The following OXGR1 variants were observed in gnomAD, a reference collection of about 807,000 sequenced individuals.
The protein encoded by OXGR1 is oxoglutarate receptor 1, also known as 2-oxoglutarate receptor 1.
In OXGR1, 10 loss-of-function variants were observed where a neutral mutation model predicts 10.0. That is an observed-to-expected ratio of 1.00 (90% CI 0.62 to 1.70). The LOEUF (loss-of-function observed/expected upper bound fraction) is 1.70. OXGR1 is among the 40% of genes most tolerant of loss of function. The probability of loss-of-function intolerance (pLI) is 0.00; values close to 1 mark genes in which losing one functional copy is unlikely to be tolerated. For synonymous variants in OXGR1, 191 were observed against 155.9 expected (o/e 1.22, Z -1.68); for missense variants, 398 against 407.6 (o/e 0.98, Z 0.20).
At position 96,987,187 on chromosome 13, in the gene OXGR1, T is replaced by A; in HGVS notation, c.573A>T (p.Glu191Asp). The A allele has an allele frequency of 6.2e-7, 1 of 1,614,136 alleles. No homozygotes were observed. The highest frequency in any genetic ancestry group is 8.5e-7 in the Non-Finnish European group (1 of 1,180,018). ...GGTTGTACCACTTAATAGTATTGAGTTCATCCGAACTGGTGAGGTCGAGAC... is the reference window on the plus strand; with the variant it reads ...GGTTGTACCACTTAATAGTATTGAGATCATCCGAACTGGTGAGGTCGAGAC... Reference protein sequence around the residue: ...SACLDLTSSDELNTIKWYNLI... With the variant: ...SACLDLTSSDDLNTIKWYNLI... Residue 191 changes from glutamate to aspartate, a missense_variant, in exon 4 of 4, where the codon GAA becomes GAT. Glu to Asp is a conservative substitution (Grantham distance 45). Coordinates refer to ENST00000541038, the MANE Select transcript of OXGR1 (RefSeq NM_001346194.2).
In OXGR1 at chr13:96,991,644, G is replaced by A. The variant is rs1166748106; in HGVS notation, c.-127+778C>T. On this transcript the variant is annotated intron_variant, in intron 2 of 3. Coordinates refer to ENST00000541038, the MANE Select transcript of OXGR1 (RefSeq NM_001346194.2). ...TGTGAAGAAAAAGCTTATAATTTTA[G>A]TACAATCACTATGGAGAACAGTTTG... Among the ~76,000 whole-genome samples, 4 of 152,322 alleles carry A rather than the reference G, an allele frequency of 2.6e-5. No individual in the cohort carries two copies. In the East Asian group the frequency reaches 7.7e-4, roughly 29 times the overall value.
Position 96,987,454 on chromosome 13 carries a change from T to C in OXGR1, c.306A>G (p.Gly102=). 1 of 1,614,116 alleles carries C rather than the reference T, an allele frequency of 6.2e-7. No homozygotes were observed. ...YYASGENWIF[G]DFMCKFIRFS... Reference sequence around the variant, plus strand: ...AGCGGATAAACTTACACATGAAATCTCCAAAGATCCAGTTTTCGCCACTGG... The same window carrying C: ...AGCGGATAAACTTACACATGAAATCCCCAAAGATCCAGTTTTCGCCACTGG... The change falls in exon 4 of 4, where the codon GGA becomes GGG. Residue 102 remains glycine, a synonymous_variant. Transcript: ENST00000541038.
At chr13:96,989,190 A>C (rs904722203) in intron 3 of OXGR1, among the ~76,000 whole-genome samples, 1 of 152,240 alleles carries the variant, frequency 6.6e-6, no homozygotes, top group Non-Finnish European at 1.5e-5. Flanking sequence ...TGAGATCACA[A>C]GGGAAGGAGG....
At chr13:96,993,571 A>G (rs1882166401) in intron 1 of OXGR1, among the ~76,000 whole-genome samples, 1 of 152,176 alleles carries the variant, frequency 6.6e-6, no homozygotes, top group African/African-American at 2.4e-5. Context: ...CCTGAAGACT[A>G]TTAAGAGGTC....
chr13:96,986,298 A>C lies in OXGR1; in HGVS notation c.*448T>G, dbSNP rs1011656909. 1.3e-5 allele frequency: 2 copies of C among 155,862 alleles called. No individual in the cohort carries two copies. The highest frequency in any genetic ancestry group is 4.8e-5 in the African/African-American group (2 of 41,468). The allele number at this position is 155,862 out of a possible 1,614,324, so 9.7% of individuals were successfully genotyped here. A position where few individuals can be genotyped will look rare whatever the true frequency, so the allele number is the denominator to read the frequency against. ...AAAAATAAATATTAAGAAAGATACAAGTAGTGGTTTGAATTGTCTAATGGT... is the reference window on the plus strand; with the variant it reads ...AAAAATAAATATTAAGAAAGATACACGTAGTGGTTTGAATTGTCTAATGGT... On this transcript the variant is annotated 3_prime_UTR_variant, in exon 4 of 4. Transcript: ENST00000541038.
At position 96,985,903 on chromosome 13, in the gene OXGR1, A is replaced by ATT. The variant is rs1881710803; in HGVS notation, c.*841_*842dup. The ATT allele has an allele frequency of 6.6e-6, 1 of 152,234 alleles. No homozygotes were observed. The highest frequency in any genetic ancestry group is 2.4e-5 in the African/African-American group (1 of 41,460). 9.4% of individuals were successfully genotyped at this position (152,234 alleles called of 1,614,324 possible). On this transcript the variant is annotated 3_prime_UTR_variant, in exon 4 of 4. Coordinates refer to ENST00000541038, the MANE Select transcript of OXGR1 (RefSeq NM_001346194.2). ...TAAAAGAACAAGGAGTCTAAAGAGA[A>ATT]TTAGCGTTTCCTGGAATATTTTCCC...
At position 96,987,068 on chromosome 13, in the gene OXGR1, G is replaced by C; in HGVS notation, c.692C>G (p.Thr231Ser). Reference protein sequence around the residue: ...IIHTLTHGLQTDSCLKQKARR... With the variant: ...IIHTLTHGLQSDSCLKQKARR... ...TGCTTTCTGCTTAAGGCAGCTGTCA[G>C]TTTGCAGTCCATGGGTCAGAGTGTG... The change falls in exon 4 of 4, where the codon ACT (threonine) becomes AGT (serine). Residue 231 changes from threonine to serine, a missense_variant. Coordinates refer to ENST00000541038, the MANE Select transcript of OXGR1 (RefSeq NM_001346194.2). 2 of 1,614,234 alleles carry C rather than the reference G, an allele frequency of 1.2e-6. No homozygotes were observed. Among genetic ancestry groups the C allele is most frequent in the Non-Finnish European group, 1.7e-6 (2 of 1,180,044 alleles).
chr13:96,992,373 T>A (rs1376869680), intron 2 of OXGR1, 49 bp downstream of exon 2: 1 of 152,230 alleles, frequency 6.6e-6, no homozygotes, highest in East Asian at 1.9e-4. Flanking sequence ...ATACCTGCTA[T>A]GTATCCACAA....
chr13:96,990,168 G>A (rs1881981917), intron 2 of OXGR1, among the ~76,000 whole-genome samples: 1 of 152,202 alleles, frequency 6.6e-6, no homozygotes, highest in South Asian at 2.1e-4. Context: ...GGCAACCACA[G>A]TGGATGGCTT....
rs1043477065 is a variant in OXGR1 at position 96,987,884 on chromosome 13, T to C, written c.-74-51A>G. ...AATGATAGGGTAATAAAAACAAGGA[T>C]CTACTTTTAAATGAAAATTATTCTA... On this transcript the variant is annotated intron_variant, in intron 3 of 3. Coordinates refer to ENST00000541038, the MANE Select transcript of OXGR1 (RefSeq NM_001346194.2). 2.3e-6 allele frequency: 3 copies of C among 1,287,808 alleles called. No individual in the cohort carries two copies. In the African/African-American group the frequency reaches 4.6e-5, roughly 20 times the overall value. The allele number at this position is 1,287,808 out of a possible 1,614,324, so 79.8% of individuals were successfully genotyped here.
chr13:96,986,858 AG>A lies in OXGR1; in HGVS notation c.901del (p.Leu301TyrfsTer17), dbSNP rs1460266202. The A allele has an allele frequency of 6.2e-7, 1 of 1,614,092 alleles. No individual in the cohort carries two copies. The highest frequency in any genetic ancestry group is 8.5e-7 in the Non-Finnish European group (1 of 1,180,026). On this transcript the variant is annotated frameshift_variant, in exon 4 of 4. Coordinates refer to ENST00000541038, the MANE Select transcript of OXGR1 (RefSeq NM_001346194.2). LOFTEE classifies it low-confidence loss of function (END_TRUNC). ...AAAGTTGTCGCTGACCACCACATATAGTAACAGGTTACCAAAGGTGTTCAGA... is the reference window on the plus strand; with the variant it reads ...AAAGTTGTCGCTGACCACCACATATATAACAGGTTACCAAAGGTGTTCAGA... The part of the protein sequence containing the change: ...AALNTFGNLL[L>X]YVVVSDNFQQ...
chr13:96,990,575 A>G lies in OXGR1; in HGVS notation c.-126-766T>C, dbSNP rs139003938. On this transcript the variant is annotated intron_variant, in intron 2 of 3. Transcript: ENST00000541038. ...TTAATATTTGCTGAATGCATTAAAG[A>G]ACAACCAGTAACATCAGCAAAACTT... Among the ~76,000 whole-genome samples, 1,181 of 152,288 alleles carry G rather than the reference A, an allele frequency of 7.8e-3. 9 individuals are homozygous for G. The highest frequency in any genetic ancestry group is 0.012 in the Non-Finnish European group (826 of 68,018).
intron 3 of OXGR1, 130 bp from the exon 4 acceptor site, chr13:96,987,963 G>T (rs1881866070): frequency 6.0e-6 from 3 of 496,450 alleles, no homozygotes; most frequent in Non-Finnish European, 9.6e-6. Context: ...ACCCTGTGGA[G>T]AAGAAATTGA....
At chr13:96,988,960 A>T (rs1322992547) in intron 3 of OXGR1, among the ~76,000 whole-genome samples, 1 of 152,158 alleles carries the variant, frequency 6.6e-6, no homozygotes, top group Non-Finnish European at 1.5e-5. Context: ...AAACTGAATA[A>T]CACACACAGA....
chr13:96,987,590 G>A lies in OXGR1; in HGVS notation c.170C>T (p.Thr57Ile), dbSNP rs1881838023. Reference protein sequence around the residue: ...GFPGNAVVISTYIFKMRPWKS... With the variant: ...GFPGNAVVISIYIFKMRPWKS... ...CCAAGGTCTCATTTTGAAAATGTAA[G>A]TGGATATCACTACTGCATTGCCTGG... The change falls in exon 4 of 4, where the codon ACT (threonine) becomes ATT (isoleucine). Residue 57 changes from threonine to isoleucine, a missense_variant. Coordinates refer to ENST00000541038, the MANE Select transcript of OXGR1 (RefSeq NM_001346194.2). The A allele has an allele frequency of 6.2e-7, 1 of 1,614,148 alleles. No homozygotes were observed. Among genetic ancestry groups the A allele is most frequent in the African/African-American group, 1.3e-5 (1 of 75,040 alleles).
intron 1 of OXGR1, among the ~76,000 whole-genome samples, chr13:96,993,289 G>C (rs1363125873): frequency 6.6e-6 from 1 of 152,150 alleles, no homozygotes. Flanking sequence ...CCATGATCTT[G>C]GCGCACTTCA....
At position 96,987,229 on chromosome 13, in the gene OXGR1, C is replaced by T; in HGVS notation, c.531G>A (p.Arg177=). ...GGTCGAGACAGGCTGATCTGTTGGT[C>T]CTGTTGGTTGATGTGATCAAGAAGG... ...PMTFLITSTN[R]TNRSACLDLT... is the part of the protein sequence containing the mutation. The change falls in exon 4 of 4, where the codon AGG becomes AGA. Residue 177 remains arginine (R), a synonymous_variant. Coordinates refer to ENST00000541038, the MANE Select transcript of OXGR1 (RefSeq NM_001346194.2). The T allele has an allele frequency of 6.2e-7, 1 of 1,614,036 alleles. No homozygotes were observed. The highest frequency in any genetic ancestry group is 8.5e-7 in the Non-Finnish European group (1 of 1,179,980).
chr13:96,993,242 G>A lies in OXGR1; in HGVS notation c.-277-670C>T, dbSNP rs148483276. On this transcript the variant is annotated intron_variant, in intron 1 of 3. Transcript: ENST00000541038. ...TTATTGTTGTTGTTGTTTTGGAGAC[G>A]AAATCTTGCTCTGTCGCCCAGACTG... Among the ~76,000 whole-genome samples, 25 of 152,192 alleles carry A rather than the reference G, an allele frequency of 1.6e-4. No individual in the cohort carries two copies. The East Asian group carries it at 3.7e-3, about 22-fold the overall frequency.
chr13:96,991,472 G>A (rs2138903388), intron 2 of OXGR1, among the ~76,000 whole-genome samples: 1 of 152,338 alleles, frequency 6.6e-6, no homozygotes, highest in Non-Finnish European at 1.5e-5. Flanking sequence ...TCTCAAACGT[G>A]AGGAGGTTAC....
Sources: gnomAD v4.1 joint callset for allele counts (sites outside exome capture counted in the v4.1 genomes callset) on GRCh38, gnomAD v4.1.1 for gene constraint, MANE v1.5 for transcripts, NCBI Gene and HGNC (gene_info 2026-07-23, HGNC 2026-07-21) for gene names.